WDFY3: variants seen among roughly 807,000 people sequenced by gnomAD.
WDFY3 encodes WD repeat and FYVE domain containing 3.
In WDFY3, 66 loss-of-function variants were observed where a neutral mutation model predicts 409.6. That is an observed-to-expected ratio of 0.16 (90% CI 0.13 to 0.20). The LOEUF (loss-of-function observed/expected upper bound fraction) is 0.20, where lower values mean the gene tolerates loss of function less well. Among genes scored for constraint, WDFY3 ranks in the 10% least tolerant of loss-of-function variants. The pLI, the probability that WDFY3 is intolerant of heterozygous loss-of-function variation, is 1.00. For missense variants in WDFY3, 3,031 were observed against 4,298.1 expected (o/e 0.71, Z 8.24); for synonymous variants, 1,521 against 1,537.1 (o/e 0.99, Z 0.25).
intron 10 of WDFY3, among the ~76,000 whole-genome samples, chr4:84,823,186 G>A (rs985882929): frequency 9.9e-5 from 15 of 152,208 alleles, no homozygotes; most frequent in African/African-American, 3.6e-4. Flanking sequence ...AAGTGTCTCA[G>A]ATATATGTAG....
At chr4:84,838,412 A>G (rs145995599) in intron 6 of WDFY3, among the ~76,000 whole-genome samples, 5 of 152,314 alleles carry the variant, frequency 3.3e-5, no homozygotes, top group Non-Finnish European at 5.9e-5. Context: ...ATAGTCTCAC[A>G]TTTTATTTTC....
At chr4:84,769,666 C>T (rs991002740) in intron 30 of WDFY3, among the ~76,000 whole-genome samples, 1 of 152,124 alleles carries the variant, frequency 6.6e-6, no homozygotes, top group Admixed American at 6.5e-5. Flanking sequence ...TCGTGATCCA[C>T]CCGCCTTGGC....
Position 84,803,462 on chromosome 4 carries a change from G to A in WDFY3, c.2435C>T (p.Ala812Val). The change falls in exon 16 of 68, where the codon GCA becomes GTA. Residue 812 changes from alanine (A) to valine (V), a missense_variant. Ala to Val is a moderately conservative substitution (Grantham distance 64). Around this residue, in one of 16 missense-constraint regions of WDFY3, gnomAD observed 1,322 missense variants for 1,697.9 expected, o/e 0.78. Transcript: ENST00000295888. ...GTPALSRKRH[A>V]YHSVSTPPVY... The stretch of plus-strand genomic sequence containing the variant: ...AGGGGGAGTTGAAACAGAATGATAT[G>A]CATGCCTATAAAAAAAGAAAGAGTA... 1 of 1,604,174 alleles carries A rather than the reference G, an allele frequency of 6.2e-7. No homozygotes were observed. Among genetic ancestry groups the A allele is most frequent in the South Asian group, 1.1e-5 (1 of 89,176 alleles).
At chr4:84,858,239 C>T (rs1760046052) in intron 4 of WDFY3, among the ~76,000 whole-genome samples, 2 of 152,096 alleles carry the variant, frequency 1.3e-5, no homozygotes, top group Admixed American at 6.6e-5. Flanking sequence ...ATAAGGTTGA[C>T]ATTATTATTA....
intron 36 of WDFY3, among the ~76,000 whole-genome samples, chr4:84,749,201 T>C (rs1740049023): frequency 2.0e-5 from 3 of 152,196 alleles, no homozygotes; most frequent in Non-Finnish European, 4.4e-5. Context: ...AATTTTCTTC[T>C]TGAATCTCTT....
intron 17 of WDFY3, among the ~76,000 whole-genome samples, chr4:84,800,176 A>C (rs1467329083): frequency 6.6e-6 from 1 of 152,246 alleles, no homozygotes; most frequent in Non-Finnish European, 1.5e-5. Context: ...AACACCATTT[A>C]ACAAATGTTT....
chr4:84,919,278 A>G (rs1346633289), intron 2 of WDFY3, among the ~76,000 whole-genome samples: 1 of 152,192 alleles, frequency 6.6e-6, no homozygotes, highest in Admixed American at 6.6e-5. Flanking sequence ...AAGGGCTCCT[A>G]TTACAGTAGA....
At chr4:84,877,846 A>G (rs577122217) in intron 3 of WDFY3, among the ~76,000 whole-genome samples, 1 of 152,344 alleles carries the variant, frequency 6.6e-6, no homozygotes, top group Non-Finnish European at 1.5e-5. Context: ...ATAAATGAGT[A>G]AACGGTGCTG....
At chr4:84,677,768 G>A (rs1430556208) in intron 66 of WDFY3, among the ~76,000 whole-genome samples, 1 of 151,880 alleles carries the variant, frequency 6.6e-6, no homozygotes, top group African/African-American at 2.4e-5. Context: ...TTTGAGACCA[G>A]CCTGGGCAAC....
intron 5 of WDFY3, among the ~76,000 whole-genome samples, chr4:84,845,326 T>C (rs1460922337): frequency 6.6e-6 from 1 of 152,174 alleles, no homozygotes; most frequent in Non-Finnish European, 1.5e-5. Flanking sequence ...TTTTCAATGA[T>C]AACCTCCTAT....
chr4:84,798,126 CAA>C lies in WDFY3; in HGVS notation c.2823-20_2823-19del. On this transcript the variant is annotated intron_variant, in intron 17 of 67. Transcript: ENST00000295888. ...AAAACTCCCTAAGAAAGAGACAAAG[CAA>C]AGTTATTCCTTGATTGAGATTATTA... 6.4e-7 allele frequency: 1 copy of C among 1,568,720 alleles called. No homozygotes were observed. The highest frequency in any genetic ancestry group is 8.7e-7 in the Non-Finnish European group (1 of 1,148,854).
rs565298816 is a variant in WDFY3, at chr4:84,669,993, T to C, written c.*2875A>G. ...CAGTTTTAACGGCATAAATATTTTA[T>C]ACACAGTTCATTTACCAAAACAAAA... is the stretch of plus-strand genomic sequence containing the variant. On this transcript the variant is annotated 3_prime_UTR_variant, in exon 68 of 68. Transcript: ENST00000295888. 1 of 152,788 alleles carries C rather than the reference T, an allele frequency of 6.5e-6. No individual in the cohort carries two copies. The highest frequency in any genetic ancestry group is 2.1e-4 in the South Asian group (1 of 4,830). The allele number at this position is 152,788 out of a possible 1,614,324, so 9.5% of individuals were successfully genotyped here. A position where few individuals can be genotyped will look rare whatever the true frequency, so the allele number is the denominator to read the frequency against.
At chr4:84,678,874 C>A (rs766329107) in intron 65 of WDFY3, 45 bp downstream of exon 65, 10 of 1,557,456 alleles carry the variant, frequency 6.4e-6, no homozygotes, top group Non-Finnish European at 8.7e-6. Flanking sequence ...CCAACCCTCA[C>A]ACCACATATA....
At chr4:84,728,914 T>C (rs187320342) in intron 44 of WDFY3, among the ~76,000 whole-genome samples, 133 of 152,292 alleles carry the variant, frequency 8.7e-4, no homozygotes, top group Non-Finnish European at 1.2e-3. Flanking sequence ...TAGCAAATAA[T>C]GTTATAGTCC....
At chr4:84,816,891 C>T (rs943425788) in intron 13 of WDFY3, among the ~76,000 whole-genome samples, 6 of 152,170 alleles carry the variant, frequency 3.9e-5, no homozygotes, top group African/African-American at 1.4e-4. Flanking sequence ...CCTAAGTTTT[C>T]TCATCTGCAA....
chr4:84,941,153 C>T (rs1772067272), intron 1 of WDFY3, among the ~76,000 whole-genome samples: 1 of 151,564 alleles, frequency 6.6e-6, no homozygotes, highest in South Asian at 2.1e-4. Flanking sequence ...AAATAAAAGG[C>T]AAAAATGGAA....
intron 2 of WDFY3, among the ~76,000 whole-genome samples, chr4:84,923,875 C>G (rs1769622382): frequency 6.6e-6 from 1 of 152,086 alleles, no homozygotes; most frequent in Admixed American, 6.6e-5. Flanking sequence ...AGTGTGCACC[C>G]ATAGTACCAG....
At chr4:84,796,773 T>G in intron 18 of WDFY3, 21 bp from the exon 19 acceptor site, 15 of 1,580,464 alleles carry the variant, frequency 9.5e-6, no homozygotes, top group Non-Finnish European at 1.2e-5. Flanking sequence ...AGGAAATCTC[T>G]TGGGAAAATG....
At chr4:84,878,533 ATTG>A (rs1430952538) in intron 3 of WDFY3, among the ~76,000 whole-genome samples, 2 of 152,218 alleles carry the variant, frequency 1.3e-5, no homozygotes, top group South Asian at 2.1e-4. Context: ...GAGGAGTTTT[ATTG>A]TTATTTTACA....
Sources: gnomAD v4.1 joint callset for allele counts (sites outside exome capture counted in the v4.1 genomes callset) on GRCh38, gnomAD v4.1.1 for gene constraint, gnomAD v4.1.1 regional missense constraint, MANE v1.5 for transcripts, NCBI Gene and HGNC (gene_info 2026-07-23, HGNC 2026-07-21) for gene names.